The following PRDM6 variants were observed in gnomAD, a reference collection of about 807,000 sequenced individuals.
PRDM6 encodes the protein PR/SET domain 6, also known as putative histone-lysine N-methyltransferase PRDM6.
Under a neutral mutation model 60.8 loss-of-function variants are expected in PRDM6, and 25 were observed. The observed-to-expected ratio is 0.41, with a 90% CI of 0.30 to 0.57. PRDM6 has a LOEUF of 0.57. Among genes scored for constraint, PRDM6 ranks in the 20% least tolerant of loss-of-function variants. The pLI is 0.27. For synonymous variants in PRDM6, 407 were observed against 357.4 expected (o/e 1.14, Z -1.57); for missense variants, 839 against 821.3 (o/e 1.02, Z -0.26).
intron 3 of PRDM6, among the ~76,000 whole-genome samples, chr5:123,121,061 T>C: frequency 6.6e-6 from 1 of 152,238 alleles, no homozygotes; most frequent in East Asian, 1.9e-4. Flanking sequence ...CACTGATGTT[T>C]TTAAAATGAA....
At chr5:123,159,769 T>G in intron 5 of PRDM6, 131 bp downstream of exon 5, 1 of 885,064 alleles carries the variant, frequency 1.1e-6, no homozygotes, top group Non-Finnish European at 1.7e-6. Flanking sequence ...TACAAGTCTA[T>G]TCCATCGTTT....
chr5:123,125,235 G>A (rs187069383), intron 3 of PRDM6, among the ~76,000 whole-genome samples: 22 of 151,674 alleles, frequency 1.5e-4, no homozygotes, highest in African/African-American at 4.9e-4. Flanking sequence ...TTCAGCTGTG[G>A]GTTCCCTTTG....
At position 123,193,707 on chromosome 5, in the gene PRDM6, T is replaced by A. The variant is rs538416229; in HGVS notation, c.*6506T>A. The A allele has an allele frequency of 6.6e-6, 1 of 152,230 alleles. No individual in the cohort carries two copies. The highest frequency in any genetic ancestry group is 1.5e-5 in the Non-Finnish European group (1 of 68,048). 9.4% of individuals were successfully genotyped at this position (152,230 alleles called of 1,614,324 possible). On this transcript the variant is annotated 3_prime_UTR_variant, in exon 8 of 8. Coordinates refer to ENST00000407847, the MANE Select transcript of PRDM6 (RefSeq NM_001136239.4). ...AACTTAATGTCCCAAGTTAATTATT[T>A]TTTTTATATCAAGGGGAAGACATCC...
At chr5:123,142,833 C>T (rs1179409021) in intron 3 of PRDM6, among the ~76,000 whole-genome samples, 1 of 98,628 alleles carries the variant, frequency 1.0e-5, no homozygotes, top group Non-Finnish European at 1.9e-5. Context: ...CAGTATATCA[C>T]AACACAATTG....
chr5:123,123,476 A>G (rs547793816), intron 3 of PRDM6, among the ~76,000 whole-genome samples: 2 of 152,346 alleles, frequency 1.3e-5, no homozygotes, highest in South Asian at 2.1e-4. Flanking sequence ...GCATTGCCAC[A>G]GAGATCATGA....
chr5:123,144,283 G>A (rs1427756266), intron 3 of PRDM6, among the ~76,000 whole-genome samples: 1 of 152,202 alleles, frequency 6.6e-6, no homozygotes, highest in Admixed American at 6.5e-5. Flanking sequence ...CCTGGGAATG[G>A]CCAGCTGCTC....
chr5:123,130,158 TCCC>T (rs1764795318), intron 3 of PRDM6, among the ~76,000 whole-genome samples: 2 of 26,456 alleles, frequency 7.6e-5, no homozygotes, highest in African/African-American at 2.0e-4. Context: ...TTCCCTCCCC[TCCC>T]CTCCCCTCCC....
At chr5:123,107,869 A>G (rs536271467) in intron 3 of PRDM6, among the ~76,000 whole-genome samples, 1 of 152,294 alleles carries the variant, frequency 6.6e-6, no homozygotes, top group East Asian at 1.9e-4. Context: ...TCAGAAGTTC[A>G]TTTTCATTTT....
chr5:123,096,821 G>C (rs1315650904), intron 2 of PRDM6, among the ~76,000 whole-genome samples: 2 of 152,174 alleles, frequency 1.3e-5, no homozygotes, highest in Non-Finnish European at 2.9e-5. Context: ...TTGGAGAAAG[G>C]CCTTAGCCAC....
At chr5:123,179,732 GA>G (rs10717518) in intron 6 of PRDM6, among the ~76,000 whole-genome samples, 41,381 of 152,004 alleles carry the variant, frequency 0.27, 6,182 homozygotes, top group East Asian at 0.59. Context: ...GATTAAACTG[GA>G]TAACTGATTT....
chr5:123,175,022 G>C (rs541019769), intron 6 of PRDM6, among the ~76,000 whole-genome samples: 1 of 150,370 alleles, frequency 6.7e-6, no homozygotes, highest in African/African-American at 2.5e-5. Flanking sequence ...AAACATTTGG[G>C]GTTTTGCATA....
chr5:123,180,726 A>G (rs570577330), intron 7 of PRDM6, among the ~76,000 whole-genome samples: 41 of 152,358 alleles, frequency 2.7e-4, no homozygotes, highest in African/African-American at 8.9e-4. Flanking sequence ...CCACAAGTTT[A>G]GAACATCCGA....
chr5:123,166,689 G>A (rs1211035706), intron 5 of PRDM6, among the ~76,000 whole-genome samples: 2 of 152,222 alleles, frequency 1.3e-5, no homozygotes, highest in African/African-American at 4.8e-5. Flanking sequence ...GGTCAGGCAT[G>A]TAATAGATGC....
intron 7 of PRDM6, 117 bp downstream of exon 7, chr5:123,180,440 A>T: frequency 9.2e-7 from 1 of 1,083,114 alleles, no homozygotes; most frequent in Non-Finnish European, 1.3e-6. Context: ...TTGGAAGGCC[A>T]GTGTCCAGGC....
intron 7 of PRDM6, among the ~76,000 whole-genome samples, 168 bp from the exon 8 acceptor site, chr5:123,186,919 C>G (rs1044957890): frequency 6.6e-6 from 1 of 152,232 alleles, no homozygotes; most frequent in Non-Finnish European, 1.5e-5. Flanking sequence ...CGGGCTTTGT[C>G]CCATCACAGG....
chr5:123,128,846 C>G (rs1156747527), intron 3 of PRDM6, among the ~76,000 whole-genome samples: 1 of 152,184 alleles, frequency 6.6e-6, no homozygotes, highest in Non-Finnish European at 1.5e-5. Context: ...TTGCCCATGC[C>G]TATGTCCTGA....
At chr5:123,178,337 G>A (rs1221899618) in intron 6 of PRDM6, among the ~76,000 whole-genome samples, 1 of 152,080 alleles carries the variant, frequency 6.6e-6, no homozygotes, top group Non-Finnish European at 1.5e-5. Context: ...AGTGAATATA[G>A]CATATATTAA....
intron 7 of PRDM6, among the ~76,000 whole-genome samples, chr5:123,184,052 A>G (rs1394636435): frequency 6.6e-6 from 1 of 152,256 alleles, no homozygotes; most frequent in Non-Finnish European, 1.5e-5. Flanking sequence ...TCCAAAGGAC[A>G]TCTAATATTT....
chr5:123,129,054 G>A (rs1027063509), intron 3 of PRDM6, among the ~76,000 whole-genome samples: 1 of 151,998 alleles, frequency 6.6e-6, no homozygotes, highest in South Asian at 2.1e-4. Flanking sequence ...TGTCAGGTTT[G>A]TCAAAGATCA....
Sources: gnomAD v4.1 joint callset for allele counts (sites outside exome capture counted in the v4.1 genomes callset) on GRCh38, gnomAD v4.1.1 for gene constraint, MANE v1.5 for transcripts, NCBI Gene and HGNC (gene_info 2026-07-23, HGNC 2026-07-21) for gene names.